ADGRF1: variants seen among roughly 807,000 people sequenced by gnomAD.
ADGRF1 encodes adhesion G protein-coupled receptor F1, also known as G protein-coupled receptor 110.
A neutral mutation model predicts 87.2 loss-of-function variants in ADGRF1; 85 were observed. That is an observed-to-expected ratio of 0.97 (90% CI 0.82 to 1.17). The LOEUF (loss-of-function observed/expected upper bound fraction) is 1.17, where lower values mean the gene tolerates loss of function less well. ADGRF1 is among the 50% of genes most tolerant of loss of function. The pLI is 0.00. For missense variants in ADGRF1, 1,169 were observed against 1,077.2 expected (o/e 1.09, Z -1.19); for synonymous variants, 430 against 408.8 (o/e 1.05, Z -0.63).
intron 1 of ADGRF1, among the ~76,000 whole-genome samples, chr6:47,035,486 A>C (rs1468761642): frequency 6.6e-6 from 1 of 152,248 alleles, no homozygotes; most frequent in South Asian, 2.1e-4. Flanking sequence ...TCTAATTTAC[A>C]AAGTGTTTTT....
rs548521694 is a variant in ADGRF1 at position 47,004,494 on chromosome 6, C to CTTGCTT, written c.2592+1317_2592+1322dup. Among the ~76,000 whole-genome samples, 145 of 152,220 alleles carry CTTGCTT rather than the reference C, an allele frequency of 9.5e-4. 1 individual carries two copies. The Middle Eastern group carries it at 0.01, about 11-fold the overall frequency. On this transcript the variant is annotated intron_variant, in intron 13 of 14. Transcript: ENST00000371253. Reference sequence around the variant, plus strand: ...AAACAGAGAGAAACTGTTAGGCATTCTTGCTTTTGCTTTTGTTTTATTTTA... The same window carrying CTTGCTT: ...AAACAGAGAGAAACTGTTAGGCATTCTTGCTTTTGCTTTTGCTTTTGTTTTATTTTA...
intron 3 of ADGRF1, among the ~76,000 whole-genome samples, 158 bp downstream of exon 3, chr6:47,027,546 G>A (rs1038008044): frequency 1.3e-5 from 2 of 152,116 alleles, no homozygotes; most frequent in African/African-American, 4.8e-5. Flanking sequence ...CTTCACAAAC[G>A]TCTTGCTCAT....
intron 1 of ADGRF1, among the ~76,000 whole-genome samples, chr6:47,030,059 A>G (rs1341389865): frequency 1.3e-5 from 2 of 152,242 alleles, no homozygotes; most frequent in African/African-American, 4.8e-5. Context: ...CAGAGTACAC[A>G]GAGTAGGGCT....
intron 9 of ADGRF1, chr6:47,012,467 C>T (rs1370611663): frequency 1.9e-6 from 1 of 538,128 alleles, no homozygotes; most frequent in African/African-American, 2.0e-5. Flanking sequence ...TTTCAATATC[C>T]TTTGAGGGAG....
intron 7 of ADGRF1, chr6:47,017,141 G>C (rs757555047): frequency 6.6e-6 from 1 of 152,434 alleles, no homozygotes; most frequent in East Asian, 1.9e-4. Flanking sequence ...ACAAGTAAAG[G>C]TCCTAAGGCG....
In ADGRF1 at chr6:47,008,951, T is replaced by G; in HGVS notation, c.2484A>C (p.Ala828=). 6.3e-7 allele frequency: 1 copy of G among 1,591,184 alleles called. No individual in the cohort carries two copies. Among genetic ancestry groups the G allele is most frequent in the Non-Finnish European group, 8.6e-7 (1 of 1,165,892 alleles). ...AWHVIFALLN[A]FQGFFILCFG... ...TTATTGTTACTGTTCTCACCTGGAA[T>G]GCATTGAGTAAAGCAAAAATAACAT... The change falls in exon 11 of 15, where the codon GCA becomes GCC. Residue 828 remains alanine (A), a synonymous_variant. Coordinates refer to ENST00000371253, the MANE Select transcript of ADGRF1 (RefSeq NM_153840.4).
chr6:47,012,771 T>A (rs1779747802), intron 9 of ADGRF1: 1 of 984,848 alleles, frequency 1.0e-6, no homozygotes, highest in Admixed American at 6.2e-5. Context: ...ACAAGATTTG[T>A]TTTTTTTATT....
At chr6:47,020,677 C>A in intron 7 of ADGRF1, 54 bp downstream of exon 7, 1 of 1,600,044 alleles carries the variant, frequency 6.2e-7, no homozygotes, top group Non-Finnish European at 8.6e-7. Flanking sequence ...CTGCCTTTTG[C>A]AGAACTGGTG....
At chr6:47,031,351 G>GTCTCTCTCTCTCTCTCTCTCTC (rs374462680) in intron 1 of ADGRF1, among the ~76,000 whole-genome samples, 13 of 110,682 alleles carry the variant, frequency 1.2e-4, no homozygotes, top group Non-Finnish European at 5.7e-5. Context: ...CTCTCTCTCT[G>GTCTCTCTCTCTCTCTCTCTCTC]TCTCTCTCTC....
At chr6:47,019,945 A>G (rs1035156254) in intron 7 of ADGRF1, 3 of 985,662 alleles carry the variant, frequency 3.0e-6, no homozygotes, top group South Asian at 9.4e-5. Context: ...TTGAACTATG[A>G]TGTATACATG....
chr6:47,011,128 T>G (rs1235004720), intron 10 of ADGRF1, among the ~76,000 whole-genome samples: 1 of 152,232 alleles, frequency 6.6e-6, no homozygotes, highest in Non-Finnish European at 1.5e-5. Context: ...CCTGCTTTGT[T>G]TTCACTCTTC....
chr6:47,003,669 C>G (rs1400881670), intron 13 of ADGRF1, among the ~76,000 whole-genome samples: 2 of 152,162 alleles, frequency 1.3e-5, no homozygotes, highest in African/African-American at 4.8e-5. Context: ...CGTGGAAGCC[C>G]TCCTGTCCCT....
chr6:47,031,828 G>A (rs973887865), intron 1 of ADGRF1, among the ~76,000 whole-genome samples: 1 of 152,156 alleles, frequency 6.6e-6, no homozygotes, highest in Non-Finnish European at 1.5e-5. Context: ...CTGGTTACAA[G>A]TGATCCTCCC....
At chr6:47,019,776 C>G in intron 7 of ADGRF1, 2 of 984,772 alleles carry the variant, frequency 2.0e-6, no homozygotes, top group Non-Finnish European at 2.4e-6. Flanking sequence ...GTCAATTTCT[C>G]TGACCTCTAA....
rs752154915 is a variant in ADGRF1, at chr6:47,020,752, G to A, written c.590C>T (p.Ser197Leu). The A allele has an allele frequency of 4.3e-5, 69 of 1,613,740 alleles. No homozygotes were observed. Among genetic ancestry groups the A allele is most frequent in the East Asian group, 1.6e-4 (7 of 44,886 alleles). The change falls in exon 7 of 15, where the codon TCG becomes TTG. Residue 197 changes from serine to leucine, a missense_variant. Ser to Leu is a moderately radical substitution (Grantham distance 145). Coordinates refer to ENST00000371253, the MANE Select transcript of ADGRF1 (RefSeq NM_153840.4). ...TTACCGAAATTGGGTGACCTGAACCGACTCAAAACCTTGAATTCTTTCATA... is the reference window on the plus strand; with the variant it reads ...TTACCGAAATTGGGTGACCTGAACCAACTCAAAACCTTGAATTCTTTCATA... ...KAYERIQGFESVQVTQFRNGS... is the reference protein window; with the variant it reads ...KAYERIQGFELVQVTQFRNGS...
chr6:47,006,897 T>A (rs1332246284), intron 12 of ADGRF1, among the ~76,000 whole-genome samples: 1 of 152,168 alleles, frequency 6.6e-6, no homozygotes, highest in Non-Finnish European at 1.5e-5. Context: ...ATATTCTAAA[T>A]AAATGGGTAG....
rs541370252 is a variant in ADGRF1, at chr6:47,020,243, C to T, written c.611+488G>A. The T allele has an allele frequency of 3.6e-4, 462 of 1,288,778 alleles. No homozygotes were observed. The African/African-American group carries it at 6.6e-3, about 18-fold the overall frequency. 79.8% of individuals were successfully genotyped at this position (1,288,778 alleles called of 1,614,324 possible). ...ATGTGGTGGCTCATGCCTGTAATCC[C>T]AGCACTTTGGGGGCCGAGGCAGGCG... On this transcript the variant is annotated intron_variant, in intron 7 of 14. Coordinates refer to ENST00000371253, the MANE Select transcript of ADGRF1 (RefSeq NM_153840.4).
intron 10 of ADGRF1, 27 bp downstream of exon 10, chr6:47,011,980 A>G (rs1346045532): frequency 6.3e-7 from 1 of 1,592,824 alleles, no homozygotes; most frequent in South Asian, 1.1e-5. Flanking sequence ...ATTTAAAGTG[A>G]GCCCTTCAAG....
In ADGRF1 at chr6:47,009,100, T is replaced by G; in HGVS notation, c.2335A>C (p.Ser779Arg). The change falls in exon 11 of 15, where the codon AGT (serine) becomes CGT (arginine). Residue 779 changes from serine (S) to arginine (R), a missense_variant. Coordinates refer to ENST00000371253, the MANE Select transcript of ADGRF1 (RefSeq NM_153840.4). ...ATGATGGTGGCCTTGTCATCCCGAC[T>G]CAGTCTTTCCCCAACAGTCGGCCTC... is the stretch of plus-strand genomic sequence containing the variant. ...LWRPTVGERL[S>R]RDDKATIIRV... is the part of the protein sequence containing the mutation. The G allele has an allele frequency of 6.2e-7, 1 of 1,614,094 alleles. No individual in the cohort carries two copies. The highest frequency in any genetic ancestry group is 8.5e-7 in the Non-Finnish European group (1 of 1,180,014).
Sources: gnomAD v4.1 joint callset for allele counts (sites outside exome capture counted in the v4.1 genomes callset) on GRCh38, gnomAD v4.1.1 for gene constraint, MANE v1.5 for transcripts, NCBI Gene and HGNC (gene_info 2026-07-23, HGNC 2026-07-21) for gene names.